NPAS3: variants seen among roughly 807,000 people sequenced by gnomAD.
NPAS3 encodes the protein neuronal PAS domain protein 3, also known as neuronal PAS domain-containing protein 3.
Under a neutral mutation model 73.1 loss-of-function variants are expected in NPAS3, and 14 were observed. The ratio of observed to expected loss-of-function variants is 0.19; its 90% confidence interval spans 0.13 to 0.30. NPAS3 has a LOEUF of 0.30. NPAS3 is among the 10% of genes least tolerant of loss of function. The pLI, the probability that NPAS3 is intolerant of heterozygous loss-of-function variation, is 1.00. For synonymous variants in NPAS3, 620 were observed against 541.5 expected, an observed-to-expected ratio of 1.14 and a Z score of -2.01; for missense variants, 1,096 against 1,250.0, an observed-to-expected ratio of 0.88 and a Z score of 1.86.
At chr14:32,959,855 TATAC>T in intron 1 of NPAS3, among the ~76,000 whole-genome samples, 1 of 152,212 alleles carries the variant, frequency 6.6e-6, no homozygotes, top group East Asian at 1.9e-4. Context: ...TATGCCCACC[TATAC>T]CCACAAAGAG....
intron 4 of NPAS3, among the ~76,000 whole-genome samples, chr14:33,448,652 C>T (rs944595510): frequency 6.6e-6 from 1 of 152,184 alleles, no homozygotes; most frequent in African/African-American, 2.4e-5. Flanking sequence ...GGAAGAACTT[C>T]ATTTGCACCT....
rs75673568 is a variant in NPAS3, at chr14:33,032,542, G to C, written c.51-23363G>C. Among the ~76,000 whole-genome samples, 349 of 152,260 alleles carry C rather than the reference G, an allele frequency of 2.3e-3. 3 individuals carry two copies. The highest frequency in any genetic ancestry group is 8.2e-3 in the African/African-American group (341 of 41,558). On this transcript the variant is annotated intron_variant, in intron 1 of 11. Transcript: ENST00000356141. The stretch of plus-strand genomic sequence containing the variant: ...GCATTCTTGCTCCAAGGCTTTCTCT[G>C]ACTGCTGAAGTCCTGGCCAGGGAAT...
chr14:33,710,640 C>CAGTG (rs2060792456), intron 6 of NPAS3, among the ~76,000 whole-genome samples: 1 of 152,188 alleles, frequency 6.6e-6, no homozygotes, highest in African/African-American at 2.4e-5. Context: ...CACATCCAGA[C>CAGTG]AGTGGGTCCC....
Position 33,313,403 on chromosome 14 carries a change from C to A in NPAS3, c.386-53783C>A, listed in dbSNP as rs538474736. Among the ~76,000 whole-genome samples the A allele has an allele frequency of 6.2e-4, 94 of 152,084 alleles. 1 individual carries two copies. Among genetic ancestry groups the A allele is most frequent in the South Asian group, 3.3e-3 (16 of 4,820 alleles). On this transcript the variant is annotated intron_variant, in intron 3 of 11. Coordinates refer to ENST00000356141, the Ensembl canonical transcript of NPAS3. ...GTGATCCTCTAAGAGAGAAACCAGTCAGAATAAGTATTTAGATACCAACTA... is the reference window on the plus strand; with the variant it reads ...GTGATCCTCTAAGAGAGAAACCAGTAAGAATAAGTATTTAGATACCAACTA...
At chr14:33,799,975 G>A (rs373066864) in exon 12 of NPAS3, 2 of 1,613,794 alleles carry the variant, frequency 1.2e-6, no homozygotes, top group African/African-American at 2.7e-5. Context: ...TGCAGATCAA[G>A]GTGGAGCGCT....
At chr14:33,285,022 T>G (rs2041816792) in intron 3 of NPAS3, among the ~76,000 whole-genome samples, 1 of 152,214 alleles carries the variant, frequency 6.6e-6, no homozygotes, top group South Asian at 2.1e-4. Context: ...ACTTCCTAAG[T>G]GGCTCTCATG....
intron 2 of NPAS3, among the ~76,000 whole-genome samples, chr14:33,122,769 G>T (rs763444976): frequency 2.0e-4 from 31 of 152,116 alleles, no homozygotes; most frequent in Non-Finnish European, 4.0e-4. Context: ...GACTGAGATG[G>T]TTAAGGGGTC....
chr14:33,374,051 T>C (rs17100845), intron 4 of NPAS3, among the ~76,000 whole-genome samples: 23,814 of 152,024 alleles, frequency 0.16, 2,303 homozygotes, highest in East Asian at 0.35. Flanking sequence ...GCAGAACAGT[T>C]TTGTTAAGGT....
At chr14:33,663,980 A>G (rs2140286083) in intron 5 of NPAS3, among the ~76,000 whole-genome samples, 1 of 152,130 alleles carries the variant, frequency 6.6e-6, no homozygotes, top group South Asian at 2.1e-4. Flanking sequence ...TCTTTTCAAA[A>G]AAAAAAACAG....
At chr14:33,024,106 G>A (rs2039707964) in intron 1 of NPAS3, among the ~76,000 whole-genome samples, 1 of 150,980 alleles carries the variant, frequency 6.6e-6, no homozygotes, top group Non-Finnish European at 1.5e-5. Context: ...ATATGTGTGT[G>A]TATATATATG....
intron 5 of NPAS3, among the ~76,000 whole-genome samples, chr14:33,655,845 C>A (rs1443469772): frequency 6.6e-6 from 1 of 152,096 alleles, no homozygotes; most frequent in East Asian, 1.9e-4. Flanking sequence ...TCTCAAAAAA[C>A]CACAAAGTTG....
chr14:33,343,879 A>G (rs191225962), intron 3 of NPAS3, among the ~76,000 whole-genome samples: 2 of 152,148 alleles, frequency 1.3e-5, no homozygotes, highest in South Asian at 2.1e-4. Flanking sequence ...TCCTCAGTGC[A>G]TTGTCTTTTC....
At chr14:33,207,243 ACACACACACACACACACACACACG>A (rs776309245) in intron 2 of NPAS3, among the ~76,000 whole-genome samples, 1,415 of 27,914 alleles carry the variant, frequency 0.051, 15 homozygotes, top group South Asian at 0.14. Flanking sequence ...TTACACACAC[ACACACACACACACACACACACACG>A]CACACACACA....
chr14:32,942,751 T>A (rs906085026), intron 1 of NPAS3, among the ~76,000 whole-genome samples: 1 of 152,188 alleles, frequency 6.6e-6, no homozygotes, highest in Admixed American at 6.5e-5. Context: ...ATAGGGGTGA[T>A]AAATGATTAT....
At position 33,769,756 on chromosome 14, in the gene NPAS3, C is replaced by CTTTTTTTTTTTTTTTTT. The variant is rs916953785; in HGVS notation, c.853-4571_853-4555dup. On this transcript the variant is annotated intron_variant, in intron 7 of 11. Transcript: ENST00000356141. ...CCTGAAAGACTTGGATTTTTTTTTT[C>CTTTTTTTTTTTTTTTTT]TTTTTTTTTTTTTTTTTTTTTTTTT... Among the ~76,000 whole-genome samples, 29 of 81,884 alleles carry CTTTTTTTTTTTTTTTTT rather than the reference C, an allele frequency of 3.5e-4. 6 individuals are homozygous for CTTTTTTTTTTTTTTTTT. Among genetic ancestry groups the CTTTTTTTTTTTTTTTTT allele is most frequent in the East Asian group, 8.0e-4 (2 of 2,506 alleles). The allele number at this position is 81,884 out of a possible 152,430, so 53.7% of individuals were successfully genotyped here. A position where few individuals can be genotyped will look rare whatever the true frequency, so the allele number is the denominator to read the frequency against.
intron 2 of NPAS3, among the ~76,000 whole-genome samples, chr14:33,156,229 G>A (rs949653410): frequency 1.3e-5 from 2 of 152,140 alleles, no homozygotes; most frequent in African/African-American, 4.8e-5. Flanking sequence ...TGGCATTTGT[G>A]CAATATTCTT....
At chr14:33,130,004 C>G (rs2043574702) in intron 2 of NPAS3, among the ~76,000 whole-genome samples, 1 of 152,084 alleles carries the variant, frequency 6.6e-6, no homozygotes. Context: ...GTAGTTTTGT[C>G]ACTTTTAATT....
intron 4 of NPAS3, among the ~76,000 whole-genome samples, chr14:33,465,472 G>A (rs965995727): frequency 2.0e-5 from 3 of 152,120 alleles, no homozygotes; most frequent in Non-Finnish European, 2.9e-5. Context: ...ATCGATTCAA[G>A]CATGATGTTT....
intron 5 of NPAS3, among the ~76,000 whole-genome samples, chr14:33,645,330 T>C (rs1433741947): frequency 6.6e-6 from 1 of 152,148 alleles, no homozygotes; most frequent in East Asian, 1.9e-4. Flanking sequence ...CAGAATTGCA[T>C]ATTAACAAGC....
Sources: allele counts gnomAD v4.1 joint callset (sites outside exome capture counted in the v4.1 genomes callset), GRCh38; gene constraint gnomAD v4.1.1; transcripts MANE v1.5; gene names NCBI Gene and HGNC (gene_info 2026-07-23, HGNC 2026-07-21).